Variants in SNX29 observed in about 807,000 individuals in gnomAD.
SNX29 encodes sorting nexin 29.
Under a neutral mutation model 102.1 loss-of-function variants are expected in SNX29, and 78 were observed. That is an observed-to-expected ratio of 0.76 (90% CI 0.64 to 0.92). SNX29 has a LOEUF of 0.92. SNX29 is among the 40% of genes least tolerant of loss of function. The pLI is 0.00. For missense variants in SNX29, 1,280 were observed against 1,061.7 expected (o/e 1.21, Z -2.86); for synonymous variants, 580 against 414.5 (o/e 1.40, Z -4.85).
intron 19 of SNX29, among the ~76,000 whole-genome samples, chr16:12,515,186 A>C (rs1343098439): frequency 1.3e-5 from 2 of 152,114 alleles, no homozygotes; most frequent in African/African-American, 4.8e-5. Context: ...CCCCTATGGA[A>C]GACCTTGTGT....
At chr16:12,150,119 A>C (rs1331408048) in intron 13 of SNX29, among the ~76,000 whole-genome samples, 1 of 152,128 alleles carries the variant, frequency 6.6e-6, no homozygotes, top group East Asian at 1.9e-4. Flanking sequence ...GCAACTATTG[A>C]AGGCCTTTAA....
intron 14 of SNX29, among the ~76,000 whole-genome samples, chr16:12,256,647 G>C (rs112254709): frequency 0.038 from 5,831 of 152,224 alleles, 401 homozygotes; most frequent in African/African-American, 0.13. Flanking sequence ...TTTTTTTGAA[G>C]AGAGACAATC....
chr16:12,493,360 G>C (rs2151869433), intron 19 of SNX29, among the ~76,000 whole-genome samples: 1 of 152,290 alleles, frequency 6.6e-6, no homozygotes, highest in Admixed American at 6.5e-5. Flanking sequence ...ATATAAGAAT[G>C]CTTGTGATTT....
At chr16:12,174,940 A>AC (rs397716769) in intron 13 of SNX29, among the ~76,000 whole-genome samples, 1 of 152,052 alleles carries the variant, frequency 6.6e-6, no homozygotes, top group East Asian at 1.9e-4. Context: ...TAAAAAAAAA[A>AC]CAACCAATTA....
At chr16:12,377,576 G>A (rs747588176) in intron 16 of SNX29, among the ~76,000 whole-genome samples, 3 of 152,312 alleles carry the variant, frequency 2.0e-5, no homozygotes, top group East Asian at 1.9e-4. Context: ...ATCACTCAAC[G>A]GGTAGGTTAT....
intron 20 of SNX29, among the ~76,000 whole-genome samples, chr16:12,549,891 A>T (rs1361720128): frequency 2.0e-5 from 3 of 152,268 alleles, no homozygotes. Context: ...TAGAACAGAG[A>T]TCAGAAAATG....
intron 11 of SNX29, among the ~76,000 whole-genome samples, chr16:12,091,574 C>G (rs1344444596): frequency 6.6e-6 from 1 of 151,586 alleles, no homozygotes. Flanking sequence ...ATTGCTTGAT[C>G]CCAGAACTCG....
At chr16:12,249,086 C>A (rs993763662) in intron 14 of SNX29, among the ~76,000 whole-genome samples, 1 of 152,108 alleles carries the variant, frequency 6.6e-6, no homozygotes, top group South Asian at 2.1e-4. Context: ...AAAACAACTC[C>A]GATTTTGGTT....
chr16:12,552,036 C>A (rs571909814), intron 20 of SNX29, among the ~76,000 whole-genome samples: 2 of 152,212 alleles, frequency 1.3e-5, no homozygotes, highest in Admixed American at 1.3e-4. Context: ...AGTCCAGGCT[C>A]AGATGGGAAG....
chr16:12,329,339 C>A (rs1024001523), intron 15 of SNX29, among the ~76,000 whole-genome samples: 1 of 150,866 alleles, frequency 6.6e-6, no homozygotes, highest in Non-Finnish European at 1.5e-5. Context: ...ATCTCAGCAG[C>A]TTAGCAACTG....
In SNX29 at chr16:12,098,178, C is replaced by A. The variant is rs2052850504; in HGVS notation, c.1402+19263C>A. 6.6e-6 allele frequency among the ~76,000 whole-genome samples: 1 copy of A among 152,216 alleles called. No individual in the cohort carries two copies. Among genetic ancestry groups the A allele is most frequent in the Non-Finnish European group, 1.5e-5 (1 of 68,034 alleles). On this transcript the variant is annotated intron_variant, in intron 11 of 20. Coordinates refer to ENST00000566228, the MANE Select transcript of SNX29 (RefSeq NM_032167.5). This position sits in a 1 kb window ranked among gnomAD's most constrained non-coding sequence, Gnocchi z 6.0. ...GCAGTTCTAACCCTTCCCCTGCCCC[C>A]TCCTTCAACTCCTTTTCCTCCTCCT... is the stretch of plus-strand genomic sequence containing the variant.
Position 12,356,261 on chromosome 16 carries a change from C to T in SNX29, c.1881C>T (p.Leu627=), listed in dbSNP as rs775019183. The change falls in exon 16 of 21, where the codon CTC becomes CTT. Residue 627 remains leucine, a synonymous_variant. Transcript: ENST00000566228. ...TCGTGTCCCAGATGAGGCAGGAGCT[C>T]ATCGATCTCCGGGGACCGGTGAGTG... is the stretch of plus-strand genomic sequence containing the variant. ...EALVSQMRQE[L]IDLRGPVPGD... The T allele has an allele frequency of 9.9e-6, 16 of 1,609,404 alleles. No homozygotes were observed. Among genetic ancestry groups the T allele is most frequent in the African/African-American group, 1.3e-5 (1 of 74,958 alleles).
At chr16:12,056,988 A>AT (rs2050548221) in intron 8 of SNX29, among the ~76,000 whole-genome samples, 1 of 151,914 alleles carries the variant, frequency 6.6e-6, no homozygotes, top group South Asian at 2.1e-4. Flanking sequence ...CGCCCAGCTA[A>AT]TTTTTTATAG....
chr16:12,133,988 A>T (rs1330202943), intron 13 of SNX29, among the ~76,000 whole-genome samples: 1 of 152,202 alleles, frequency 6.6e-6, no homozygotes, highest in Non-Finnish European at 1.5e-5. Flanking sequence ...AAGGTCATGT[A>T]ACTAGCCTGG....
chr16:12,192,751 G>A (rs1339293434), intron 13 of SNX29, among the ~76,000 whole-genome samples: 2 of 152,146 alleles, frequency 1.3e-5, no homozygotes, highest in Non-Finnish European at 2.9e-5. Flanking sequence ...CACCCAGGCT[G>A]GAGTTCAATG....
At chr16:12,056,313 G>T (rs948214565) in intron 8 of SNX29, among the ~76,000 whole-genome samples, 7 of 152,210 alleles carry the variant, frequency 4.6e-5, no homozygotes, top group African/African-American at 1.7e-4. Flanking sequence ...GCCCAACACA[G>T]TGCAGGGTGA....
At chr16:12,559,174 T>G (rs2078564534) in intron 20 of SNX29, among the ~76,000 whole-genome samples, 2 of 152,072 alleles carry the variant, frequency 1.3e-5, no homozygotes. Context: ...CCATAGCCTG[T>G]TAGGTACTGG....
At chr16:12,335,547 G>A (rs1405118384) in intron 15 of SNX29, among the ~76,000 whole-genome samples, 1 of 152,136 alleles carries the variant, frequency 6.6e-6, no homozygotes, top group African/African-American at 2.4e-5. Flanking sequence ...ATGGTTGCAT[G>A]TGCCTGTATT....
intron 3 of SNX29, among the ~76,000 whole-genome samples, chr16:12,018,073 T>A (rs779707176): frequency 7.2e-5 from 11 of 152,110 alleles, no homozygotes; most frequent in Non-Finnish European, 1.3e-4. Context: ...GCCTGGCCTG[T>A]ACCCCAGAAC....
Sources: gnomAD v4.1 joint callset for allele counts (sites outside exome capture counted in the v4.1 genomes callset) on GRCh38, gnomAD v4.1.1 for gene constraint, Gnocchi (gnomAD v3.1) non-coding constraint, MANE v1.5 for transcripts, NCBI Gene and HGNC (gene_info 2026-07-23, HGNC 2026-07-21) for gene names.